Variants in CPNE5 observed in about 807,000 individuals in gnomAD.
The protein encoded by CPNE5 is copine-5.
In CPNE5, 42 loss-of-function variants were observed where a neutral mutation model predicts 81.1. The observed-to-expected ratio is 0.52, with a 90% CI of 0.40 to 0.67. The LOEUF (loss-of-function observed/expected upper bound fraction) is 0.67. Among genes scored for constraint, CPNE5 ranks in the 30% least tolerant of loss-of-function variants. CPNE5 has a pLI of 0.00. For missense variants in CPNE5, 612 were observed against 815.5 expected (o/e 0.75, Z 3.04); for synonymous variants, 313 against 321.5 (o/e 0.97, Z 0.28).
chr6:36,814,558 G>A lies in CPNE5; in HGVS notation c.183+7556C>T, dbSNP rs1771370222. 2.6e-5 allele frequency among the ~76,000 whole-genome samples: 4 copies of A among 152,220 alleles called. No homozygotes were observed. In the South Asian group the frequency reaches 8.3e-4, roughly 32 times the overall value. On this transcript the variant is annotated intron_variant, in intron 3 of 20. Transcript: ENST00000244751. ...AAAAACACCTGCCAAAAGATCAGTG[G>A]CATATTAGATAGTGTCGCTAGATGT...
chr6:36,751,949 G>A (rs1028765067), intron 14 of CPNE5, among the ~76,000 whole-genome samples: 6 of 152,236 alleles, frequency 3.9e-5, no homozygotes, highest in African/African-American at 1.4e-4. Flanking sequence ...GAGTGCAAAG[G>A]CGGGGTCTGG....
chr6:36,823,133 C>T, intron 1 of CPNE5, 35 bp from the exon 2 acceptor site: 1 of 1,516,752 alleles, frequency 6.6e-7, no homozygotes. Context: ...GTTAGCACGG[C>T]CAGCTGAGAG....
chr6:36,783,477 A>C (rs1768238692), intron 8 of CPNE5, among the ~76,000 whole-genome samples: 1 of 150,832 alleles, frequency 6.6e-6, no homozygotes, highest in South Asian at 2.1e-4. Flanking sequence ...CGACAACCCT[A>C]TGAGGAAGGC....
intron 15 of CPNE5, among the ~76,000 whole-genome samples, chr6:36,747,262 G>C (rs1240379091): frequency 6.7e-6 from 1 of 149,120 alleles, no homozygotes; most frequent in Non-Finnish European, 1.5e-5. Context: ...TCCCCCCCCA[G>C]AGCCCTCTTC....
intron 6 of CPNE5, among the ~76,000 whole-genome samples, chr6:36,795,573 C>T (rs1769491182): frequency 6.6e-6 from 1 of 152,146 alleles, no homozygotes; most frequent in African/African-American, 2.4e-5. Flanking sequence ...GAAGAGGTGA[C>T]TAGGACACAG....
At chr6:36,835,866 G>A (rs957717495) in intron 1 of CPNE5, among the ~76,000 whole-genome samples, 1 of 151,806 alleles carries the variant, frequency 6.6e-6, no homozygotes, top group Non-Finnish European at 1.5e-5. Context: ...GACCCTGGGA[G>A]CCAGCTATAG....
At chr6:36,761,978 G>A (rs1582780335) in intron 12 of CPNE5, among the ~76,000 whole-genome samples, 1 of 152,246 alleles carries the variant, frequency 6.6e-6, no homozygotes, top group South Asian at 2.1e-4. Flanking sequence ...ACAGTAGAAC[G>A]CGGTGGCTCA....
intron 1 of CPNE5, among the ~76,000 whole-genome samples, chr6:36,838,271 C>T (rs1008412939): frequency 9.2e-5 from 14 of 152,318 alleles, no homozygotes; most frequent in South Asian, 2.1e-4. Context: ...TGGGTGATTT[C>T]GAACAAGGGC....
At chr6:36,820,335 CTTTTTTTTTTTT>C (rs1163633243) in intron 3 of CPNE5, among the ~76,000 whole-genome samples, 7 of 92,410 alleles carry the variant, frequency 7.6e-5, no homozygotes, top group African/African-American at 2.5e-4. Flanking sequence ...CTAATCCATT[CTTTTTTTTTTTT>C]TTTTTTTTTT....
chr6:36,832,343 C>T (rs2150619559), intron 1 of CPNE5, among the ~76,000 whole-genome samples: 1 of 152,280 alleles, frequency 6.6e-6, no homozygotes, highest in South Asian at 2.1e-4. Flanking sequence ...ATGACGACTC[C>T]CTGAAATCCG....
chr6:36,755,259 A>G (rs1203060238), intron 13 of CPNE5: 1 of 152,212 alleles, frequency 6.6e-6, no homozygotes, highest in Non-Finnish European at 1.5e-5. Context: ...GCTTGGCTGC[A>G]CTAGCCATGG....
rs574969645 is a variant in CPNE5 at position 36,800,026 on chromosome 6, G to C, written c.228C>G (p.Phe76Leu). Residue 76 changes from phenylalanine to leucine, a missense_variant, in exon 4 of 21, where the codon TTC (phenylalanine) becomes TTG (leucine). Physicochemically the swap from Phe to Leu is conservative, Grantham distance 22. Coordinates refer to ENST00000244751, the MANE Select transcript of CPNE5 (RefSeq NM_020939.2). ...EVIDNTLNPD[F>L]VRKFIVDYFF... ...AGTAATCCACAATGAACTTGCGCAC[G>C]AAGTCAGGATTGAGCGTGTTGTCGA... is the stretch of plus-strand genomic sequence containing the variant. The C allele has an allele frequency of 1.2e-6, 2 of 1,613,858 alleles. No homozygotes were observed. The highest frequency in any genetic ancestry group is 3.3e-5 in the Admixed American group (2 of 59,994).
At chr6:36,795,371 G>A (rs943989546) in intron 6 of CPNE5, among the ~76,000 whole-genome samples, 4 of 152,042 alleles carry the variant, frequency 2.6e-5, no homozygotes, top group Admixed American at 6.6e-5. Flanking sequence ...TAGAGACGAG[G>A]TTTCACCATG....
chr6:36,783,378 TAAA>T (rs36056853), intron 8 of CPNE5, among the ~76,000 whole-genome samples: 11,491 of 118,478 alleles, frequency 0.097, 661 homozygotes, highest in East Asian at 0.19. Context: ...GCAGTAAAAG[TAAA>T]AAAAAAAAAA....
intron 18 of CPNE5, among the ~76,000 whole-genome samples, chr6:36,744,700 G>C (rs894009195): frequency 6.6e-6 from 1 of 152,226 alleles, no homozygotes; most frequent in Non-Finnish European, 1.5e-5. Context: ...CCTGGGAAAG[G>C]GGGAAGCGGT....
chr6:36,773,614 G>T (rs572225623), intron 10 of CPNE5, among the ~76,000 whole-genome samples: 4 of 152,132 alleles, frequency 2.6e-5, no homozygotes, highest in South Asian at 2.1e-4. Flanking sequence ...ACAGAGCCTC[G>T]TTGTGTAGGT....
chr6:36,750,847 C>T (rs1764735955), intron 14 of CPNE5, among the ~76,000 whole-genome samples: 1 of 152,176 alleles, frequency 6.6e-6, no homozygotes. Context: ...GCAGGCCTTG[C>T]TCTAACTAGT....
chr6:36,827,621 A>C (rs1382094170), intron 1 of CPNE5: 1 of 985,258 alleles, frequency 1.0e-6, no homozygotes, highest in Non-Finnish European at 1.2e-6. Flanking sequence ...GTAGCACCAG[A>C]AGTTTCTTCG....
At position 36,756,288 on chromosome 6, in the gene CPNE5, G is replaced by A. The variant is rs748586652; in HGVS notation, c.866C>T (p.Pro289Leu). Residue 289 changes from proline to leucine, a missense_variant, in exon 13 of 21, where the codon CCG becomes CTG. Pro to Leu is a moderately conservative substitution (Grantham distance 98, BLOSUM62 -3). Transcript: ENST00000244751. The stretch of plus-strand genomic sequence containing the variant: ...TTTCTTTTTCTTCATTTTCTTTTTC[G>A]GGTTTACCACCTGCAGGAAAAACCA... ...SQFNIYEVVN[P>L]KKKMKKKKYV... 6 of 1,613,528 alleles carry A rather than the reference G, an allele frequency of 3.7e-6. No individual in the cohort carries two copies. The highest frequency in any genetic ancestry group is 4.5e-5 in the East Asian group (2 of 44,886).
Sources: allele counts gnomAD v4.1 joint callset (sites outside exome capture counted in the v4.1 genomes callset), GRCh38; gene constraint gnomAD v4.1.1; transcripts MANE v1.5; gene names NCBI Gene and HGNC (gene_info 2026-07-23, HGNC 2026-07-21).